The following WWC1 variants were observed in gnomAD, a reference collection of about 807,000 sequenced individuals.
WWC1 encodes protein KIBRA.
WWC1 carries 55 observed loss-of-function variants against 138.4 expected under a neutral mutation model. That is an observed-to-expected ratio of 0.40 (90% confidence interval 0.32 to 0.50). WWC1 has a LOEUF of 0.50. Among genes scored for constraint, WWC1 ranks in the 20% least tolerant of loss-of-function variants. The pLI, the probability that WWC1 is intolerant of heterozygous loss-of-function variation, is 0.72. For synonymous variants in WWC1, 524 were observed against 564.9 expected, an observed-to-expected ratio of 0.93 and a Z score of 1.03; for missense variants, 1,226 against 1,420.4, an observed-to-expected ratio of 0.86 and a Z score of 2.20.
At chr5:168,421,020 G>A (rs943643236) in intron 9 of WWC1, among the ~76,000 whole-genome samples, 5 of 152,120 alleles carry the variant, frequency 3.3e-5, no homozygotes, top group African/African-American at 9.7e-5. Context: ...TCTAACTGCT[G>A]CAAGAAACAG....
intron 5 of WWC1, among the ~76,000 whole-genome samples, chr5:168,403,004 CTTTT>C (rs762136100): frequency 0.041 from 5,166 of 125,466 alleles, 184 homozygotes; most frequent in South Asian, 0.064. Flanking sequence ...TCTGTTGTTT[CTTTT>C]TCTTTCTTTC....
Position 168,454,721 on chromosome 5 carries a change from T to C in WWC1, c.2658+621T>C, listed in dbSNP as rs1427569449. On this transcript the variant is annotated intron_variant, in intron 18 of 22. Coordinates refer to ENST00000265293, the MANE Select transcript of WWC1 (RefSeq NM_015238.3). ...AGGTGCAGTAGGACCTGGGCCCTCG[T>C]TCTAACTCCTCCACACCAAGGGGGC... 2.6e-5 allele frequency among the ~76,000 whole-genome samples: 4 copies of C among 152,192 alleles called. No homozygotes were observed. The South Asian group carries it at 8.3e-4, about 31-fold the overall frequency.
At chr5:168,460,181 CA>C (rs1306852559) in intron 19 of WWC1, among the ~76,000 whole-genome samples, 2 of 152,166 alleles carry the variant, frequency 1.3e-5, no homozygotes, top group Admixed American at 6.6e-5. Flanking sequence ...TCAGTAAAGG[CA>C]GGCTCCATAG....
At chr5:168,421,954 T>G in intron 9 of WWC1, 54 bp from the exon 10 acceptor site, 1 of 1,491,636 alleles carries the variant, frequency 6.7e-7, no homozygotes, top group Non-Finnish European at 9.3e-7. Flanking sequence ...TGGGTAAGAG[T>G]GCATGCCTGT....
chr5:168,451,000 T>C (rs1211261120), intron 17 of WWC1, among the ~76,000 whole-genome samples: 4 of 152,080 alleles, frequency 2.6e-5, no homozygotes. Context: ...GACAACCCAA[T>C]TTTTATTTTT....
chr5:168,417,727 C>T lies in WWC1; in HGVS notation c.1184+3137C>T, dbSNP rs552136421. ...CCTCCACTCCTCTGCAGCTGCTGAG[C>T]GGGCAGCTCGGAGGGCCTGGTAGGA... On this transcript the variant is annotated intron_variant, in intron 9 of 22. Coordinates refer to ENST00000265293, the MANE Select transcript of WWC1 (RefSeq NM_015238.3). 5.9e-5 allele frequency among the ~76,000 whole-genome samples: 9 copies of T among 152,314 alleles called. No individual in the cohort carries two copies. In the East Asian group the frequency reaches 7.7e-4, roughly 13 times the overall value.
At chr5:168,336,871 G>A (rs77328921) in intron 1 of WWC1, among the ~76,000 whole-genome samples, 5,389 of 152,220 alleles carry the variant, frequency 0.035, 275 homozygotes, top group East Asian at 0.22. Context: ...CCCTGTCTGT[G>A]CTTTAGTTCC....
At chr5:168,442,439 CAAAAAAA>C (rs11430085) in intron 16 of WWC1, among the ~76,000 whole-genome samples, 5 of 97,264 alleles carry the variant, frequency 5.1e-5, no homozygotes, top group Non-Finnish European at 8.0e-5. Flanking sequence ...CTTGTCTCTA[CAAAAAAA>C]AAAAAAAAAA....
chr5:168,325,203 T>A (rs1772431230), intron 1 of WWC1, among the ~76,000 whole-genome samples: 1 of 152,200 alleles, frequency 6.6e-6, no homozygotes, highest in African/African-American at 2.4e-5. Flanking sequence ...GGCCTTCTGA[T>A]AGGAGCCCCT....
chr5:168,314,346 T>A (rs892215480), intron 1 of WWC1, among the ~76,000 whole-genome samples: 4 of 151,988 alleles, frequency 2.6e-5, no homozygotes, highest in Admixed American at 2.6e-4. Flanking sequence ...GGCGGGTGGA[T>A]CACCTGAGGT....
chr5:168,389,604 T>G (rs71603858), intron 3 of WWC1, among the ~76,000 whole-genome samples: 38,070 of 135,918 alleles, frequency 0.28, 5,200 homozygotes, highest in South Asian at 0.47. Flanking sequence ...TTTGTTTTTT[T>G]TTTTTTTTTT....
At chr5:168,455,114 G>A (rs950376646) in intron 18 of WWC1, among the ~76,000 whole-genome samples, 2 of 152,188 alleles carry the variant, frequency 1.3e-5, no homozygotes, top group African/African-American at 4.8e-5. Context: ...GGCTGAATGT[G>A]CTCCCACCAG....
chr5:168,321,059 G>A (rs377253286), intron 1 of WWC1, among the ~76,000 whole-genome samples: 3 of 152,124 alleles, frequency 2.0e-5, no homozygotes, highest in Admixed American at 6.6e-5. Flanking sequence ...ACCGTAGGCC[G>A]CTGCACCCTG....
intron 2 of WWC1, among the ~76,000 whole-genome samples, chr5:168,381,451 C>T (rs1213765382): frequency 2.0e-5 from 3 of 152,142 alleles, no homozygotes; most frequent in East Asian, 1.9e-4. Flanking sequence ...AGTGACCAAT[C>T]GGCCCATGTG....
At position 168,374,835 on chromosome 5, in the gene WWC1, C is replaced by G. The variant is rs79660793; in HGVS notation, c.229+3302C>G. ...CCTAGACCTGGGCTGTAGCAATGGT[C>G]AGGGTGAAGATTGGCCAGATGCTGG... On this transcript the variant is annotated intron_variant, in intron 2 of 22. Coordinates refer to ENST00000265293, the MANE Select transcript of WWC1 (RefSeq NM_015238.3). 8.0e-3 allele frequency among the ~76,000 whole-genome samples: 1,220 copies of G among 152,254 alleles called. 11 individuals are homozygous for G. Among genetic ancestry groups the G allele is most frequent in the East Asian group, 0.03 (154 of 5,168 alleles).
chr5:168,414,250 T>G, intron 8 of WWC1, 98 bp from the exon 9 acceptor site: 1 of 1,487,924 alleles, frequency 6.7e-7, no homozygotes, highest in South Asian at 1.4e-5. Context: ...AGACAGTAAC[T>G]GTCAAAGATT....
At chr5:168,454,661 A>G (rs971576972) in intron 18 of WWC1, among the ~76,000 whole-genome samples, 4 of 152,206 alleles carry the variant, frequency 2.6e-5, no homozygotes, top group African/African-American at 9.7e-5. Flanking sequence ...GCGAGGCTGC[A>G]GCTGGAGTAC....
intron 1 of WWC1, among the ~76,000 whole-genome samples, chr5:168,312,040 C>T (rs1305716866): frequency 1.3e-5 from 2 of 149,432 alleles, no homozygotes; most frequent in Non-Finnish European, 3.0e-5. Context: ...CGGAGCAAGA[C>T]TCAGTCTAAA....
intron 9 of WWC1, among the ~76,000 whole-genome samples, chr5:168,417,368 C>T (rs557803933): frequency 9.7e-4 from 147 of 152,180 alleles, no homozygotes; most frequent in Non-Finnish European, 6.5e-4. Flanking sequence ...TCTTGAAACT[C>T]GAATTGGAGG....
Sources: allele counts gnomAD v4.1 joint callset (sites outside exome capture counted in the v4.1 genomes callset), GRCh38; gene constraint gnomAD v4.1.1; transcripts MANE v1.5; gene names NCBI Gene and HGNC (gene_info 2026-07-23, HGNC 2026-07-21).